Variants in NHSL3 observed in about 807,000 individuals in gnomAD.
NHSL3 encodes the protein NHS-like protein 3.
the NHSL3 span, chr1:32,771,938 C>T: frequency 6.2e-7 from 1 of 1,602,200 alleles, no homozygotes; most frequent in South Asian, 1.1e-5. Flanking sequence ...TCAGGGCGGG[C>T]CAGCCCAGTG....
chr1:32,774,371 A>G, the NHSL3 span: 1 of 152,248 alleles, frequency 6.6e-6, no homozygotes, highest in Non-Finnish European at 1.5e-5. Flanking sequence ...ACTAGTCACT[A>G]CTGTCTTCTC....
chr1:32,761,333 G>A, the NHSL3 span, among the ~76,000 whole-genome samples: 2 of 152,172 alleles, frequency 1.3e-5, no homozygotes, highest in African/African-American at 4.8e-5. Context: ...GACTCGGAGA[G>A]GCTGCGAGCT....
the NHSL3 span, chr1:32,765,671 C>T: frequency 4.2e-5 from 64 of 1,535,964 alleles, no homozygotes; most frequent in Non-Finnish European, 5.2e-5. Flanking sequence ...CGGGAGGGCT[C>T]GCATCCCCAT....
chr1:32,750,172 G>C, the NHSL3 span, among the ~76,000 whole-genome samples: 1 of 152,290 alleles, frequency 6.6e-6, no homozygotes, highest in Admixed American at 6.5e-5. Flanking sequence ...AGTCAGCCAA[G>C]TCCCTGCAGC....
the NHSL3 span, among the ~76,000 whole-genome samples, chr1:32,745,673 T>G: frequency 6.6e-6 from 1 of 151,798 alleles, no homozygotes; most frequent in Non-Finnish European, 1.5e-5. Context: ...ATCTGTAAAA[T>G]AGGGATAATA....
chr1:32,743,855 G>A, the NHSL3 span, among the ~76,000 whole-genome samples: 1 of 152,196 alleles, frequency 6.6e-6, no homozygotes, highest in Non-Finnish European at 1.5e-5. Flanking sequence ...GAGCCCACGT[G>A]CATGGGTAAC....
At chr1:32,769,837 C>CAT in the NHSL3 span, 1 of 1,610,804 alleles carries the variant, frequency 6.2e-7, no homozygotes, top group South Asian at 1.1e-5. Flanking sequence ...GAGCCTTGGT[C>CAT]ATCCCCTCTC....
the NHSL3 span, chr1:32,768,896 A>AGG: frequency 4.3e-5 from 53 of 1,241,152 alleles, no homozygotes; most frequent in Non-Finnish European, 5.5e-5. Context: ...CGGGAAACAC[A>AGG]GTACCCTGTG....
chr1:32,745,873 A>AG, the NHSL3 span, among the ~76,000 whole-genome samples: 2 of 152,078 alleles, frequency 1.3e-5, no homozygotes, highest in African/African-American at 4.8e-5. Context: ...ATGATTATTG[A>AG]GGGGGATTCA....
chr1:32,755,870 C>T, the NHSL3 span, among the ~76,000 whole-genome samples: 1 of 152,278 alleles, frequency 6.6e-6, no homozygotes, highest in Admixed American at 6.5e-5. Context: ...AGAATCTGCA[C>T]TAAGGGGGCA....
the NHSL3 span, among the ~76,000 whole-genome samples, chr1:32,754,963 C>G: frequency 2.0e-5 from 3 of 151,872 alleles, no homozygotes; most frequent in African/African-American, 7.3e-5. Flanking sequence ...AGGTCGCCGC[C>G]GCATCTCCCC....
the NHSL3 span, chr1:32,769,951 A>T: frequency 6.2e-7 from 1 of 1,607,406 alleles, no homozygotes; most frequent in Non-Finnish European, 8.5e-7. Flanking sequence ...ACGCATCCCC[A>T]CAGTGGACGG....
At chr1:32,752,260 G>T in the NHSL3 span, among the ~76,000 whole-genome samples, 1 of 152,106 alleles carries the variant, frequency 6.6e-6, no homozygotes, top group Non-Finnish European at 1.5e-5. Context: ...GAGAGAGTTG[G>T]GTTTAGCTTT....
chr1:32,767,756 C>T, the NHSL3 span: 1 of 1,580,108 alleles, frequency 6.3e-7, no homozygotes, highest in African/African-American at 1.4e-5. Flanking sequence ...GATGCCTTTA[C>T]CTCATTTCCC....
At chr1:32,767,934 G>A in the NHSL3 span, 66 of 1,613,752 alleles carry the variant, frequency 4.1e-5, no homozygotes, top group Non-Finnish European at 5.1e-5. Flanking sequence ...GCCCAGGAGG[G>A]GCTCCGCTCC....
At chr1:32,771,525 G>A in the NHSL3 span, 1 of 1,598,946 alleles carries the variant, frequency 6.3e-7, no homozygotes, top group Non-Finnish European at 8.5e-7. Flanking sequence ...AGCAGGACCT[G>A]TCCATGGCTG....
At chr1:32,771,174 G>C in the NHSL3 span, 2 of 1,611,132 alleles carry the variant, frequency 1.2e-6, no homozygotes, top group African/African-American at 2.7e-5. Flanking sequence ...CTCACCCCAA[G>C]GTGCCTGCCC....
the NHSL3 span, among the ~76,000 whole-genome samples, chr1:32,765,412 G>C: frequency 6.6e-6 from 1 of 152,232 alleles, no homozygotes. Context: ...TGGGACCCCT[G>C]CCTTAACTCT....
the NHSL3 span, among the ~76,000 whole-genome samples, chr1:32,755,992 A>G: frequency 6.6e-6 from 1 of 152,344 alleles, no homozygotes; most frequent in East Asian, 1.9e-4. Flanking sequence ...AGAGAAGATA[A>G]GAAGGCTGTG....
Sources: allele counts gnomAD v4.1 joint callset (sites outside exome capture counted in the v4.1 genomes callset), GRCh38; gene constraint gnomAD v4.1.1; transcripts MANE v1.5; gene names NCBI Gene and HGNC (gene_info 2026-07-23, HGNC 2026-07-21).